CTNNA3: variants seen among roughly 807,000 people sequenced by gnomAD.
CTNNA3 encodes catenin alpha-3.
Under a neutral mutation model 95.7 loss-of-function variants are expected in CTNNA3, and 76 were observed. That is an observed-to-expected ratio of 0.79 (90% CI 0.66 to 0.96). The LOEUF is 0.96. Ranked by LOEUF, CTNNA3 falls within the 40% of genes least tolerant of loss-of-function variation. The pLI is 0.00. For missense variants in CTNNA3, 1,191 were observed against 1,089.8 expected (o/e 1.09, Z -1.31); for synonymous variants, 431 against 374.4 (o/e 1.15, Z -1.74).
At chr10:65,993,977 G>T (rs557533427) in intron 15 of CTNNA3, among the ~76,000 whole-genome samples, 36 of 152,066 alleles carry the variant, frequency 2.4e-4, no homozygotes, top group Non-Finnish European at 4.6e-4. Flanking sequence ...CTCGCGATCT[G>T]CCCACCTCAG....
intron 13 of CTNNA3, among the ~76,000 whole-genome samples, chr10:66,144,404 T>C (rs1045964034): frequency 1.3e-5 from 2 of 152,148 alleles, no homozygotes; most frequent in African/African-American, 4.8e-5. Context: ...TCTGAAAATG[T>C]TAGGAATTTA....
chr10:66,520,554 G>T lies in CTNNA3; in HGVS notation c.1531+63C>A, dbSNP rs542206373. 1.8e-5 allele frequency: 26 copies of T among 1,466,766 alleles called. No homozygotes were observed. In the East Asian group the frequency reaches 6.1e-4, roughly 34 times the overall value. The allele number at this position is 1,466,766 out of a possible 1,614,324, so 90.9% of individuals were successfully genotyped here. ...GGCATGAGCCACCATGCCTGTCCCA[G>T]TATTATTCTATTTTATAAAATTGAC... On this transcript the variant is annotated intron_variant, in intron 11 of 17. Coordinates refer to ENST00000433211, the MANE Select transcript of CTNNA3 (RefSeq NM_013266.4).
chr10:66,456,285 T>G (rs575249813), intron 11 of CTNNA3, among the ~76,000 whole-genome samples: 3 of 152,238 alleles, frequency 2.0e-5, no homozygotes, highest in South Asian at 4.1e-4. Flanking sequence ...AATTTAAAAT[T>G]TACTGTAAAG....
At chr10:66,868,974 C>A (rs112343686) in intron 7 of CTNNA3, among the ~76,000 whole-genome samples, 8 of 151,978 alleles carry the variant, frequency 5.3e-5, no homozygotes, top group African/African-American at 1.4e-4. Flanking sequence ...AAATAAGAGA[C>A]AAAATGTAAA....
At chr10:66,143,870 C>A (rs1046691982) in intron 13 of CTNNA3, among the ~76,000 whole-genome samples, 1 of 152,116 alleles carries the variant, frequency 6.6e-6, no homozygotes, top group African/African-American at 2.4e-5. Context: ...AAACTTTAAA[C>A]CATATGACAT....
chr10:66,428,344 T>C lies in CTNNA3; in HGVS notation c.1532-48992A>G, dbSNP rs1404051100. On this transcript the variant is annotated intron_variant, in intron 11 of 17. Coordinates refer to ENST00000433211, the MANE Select transcript of CTNNA3 (RefSeq NM_013266.4). The stretch of plus-strand genomic sequence containing the variant: ...CCATTGTCAACATTAGACAGATCAA[T>C]GAGACAGAAAGTTAACAAGGATATC... 5.3e-5 allele frequency among the ~76,000 whole-genome samples: 8 copies of C among 152,110 alleles called. No individual in the cohort carries two copies. The South Asian group carries it at 6.2e-4, about 12-fold the overall frequency.
At chr10:67,756,312 G>C (rs917278670) in intron 1 of CTNNA3, among the ~76,000 whole-genome samples, 1 of 151,804 alleles carries the variant, frequency 6.6e-6, no homozygotes, top group African/African-American at 2.4e-5. Context: ...TTTCAAAAAA[G>C]CTAGAAGAGA....
chr10:66,479,736 C>A (rs555425900), intron 11 of CTNNA3, among the ~76,000 whole-genome samples: 20 of 151,238 alleles, frequency 1.3e-4, no homozygotes, highest in African/African-American at 4.9e-4. Flanking sequence ...GAAAGGCATG[C>A]TTATTATGAC....
intron 5 of CTNNA3, among the ~76,000 whole-genome samples, chr10:67,408,078 A>G (rs1348999818): frequency 1.3e-5 from 2 of 152,216 alleles, no homozygotes; most frequent in Non-Finnish European, 2.9e-5. Context: ...CCACTGTTCA[A>G]AGAAATCAGA....
chr10:67,622,941 G>T (rs1843895885), intron 2 of CTNNA3, among the ~76,000 whole-genome samples: 1 of 152,046 alleles, frequency 6.6e-6, no homozygotes, highest in Non-Finnish European at 1.5e-5. Flanking sequence ...GTATTTAAAA[G>T]ACACTTAATT....
intron 8 of CTNNA3, among the ~76,000 whole-genome samples, chr10:66,770,023 C>T (rs1840025673): frequency 6.6e-6 from 1 of 152,152 alleles, no homozygotes; most frequent in Admixed American, 6.5e-5. Context: ...AAGTAAGAGA[C>T]TCCAATGTCT....
At chr10:66,890,864 C>T (rs757116969) in intron 7 of CTNNA3, among the ~76,000 whole-genome samples, 13 of 152,034 alleles carry the variant, frequency 8.6e-5, no homozygotes, top group Non-Finnish European at 1.8e-4. Context: ...AAGTAAAGCC[C>T]TTTGAAGGAG....
At chr10:66,360,281 G>T (rs1484978172) in intron 12 of CTNNA3, among the ~76,000 whole-genome samples, 2 of 148,782 alleles carry the variant, frequency 1.3e-5, no homozygotes, top group South Asian at 2.2e-4. Context: ...TGAAAATAAG[G>T]GTTTCCACGT....
intron 10 of CTNNA3, among the ~76,000 whole-genome samples, chr10:66,529,277 T>C (rs1841375198): frequency 6.6e-6 from 1 of 152,010 alleles, no homozygotes; most frequent in Non-Finnish European, 1.5e-5. Context: ...TACAGATGTG[T>C]GCCACAGTGC....
At chr10:66,654,459 T>C (rs1053706736) in intron 9 of CTNNA3, among the ~76,000 whole-genome samples, 2 of 152,026 alleles carry the variant, frequency 1.3e-5, no homozygotes, top group African/African-American at 4.8e-5. Flanking sequence ...AAGATAAGTA[T>C]TGGAGAGGAT....
At chr10:67,665,806 A>G (rs986374005) in intron 1 of CTNNA3, among the ~76,000 whole-genome samples, 2 of 152,182 alleles carry the variant, frequency 1.3e-5, no homozygotes, top group African/African-American at 4.8e-5. Flanking sequence ...CTGAAATTCT[A>G]TTTTTCAGAT....
At chr10:67,214,078 G>T (rs1864250696) in intron 6 of CTNNA3, among the ~76,000 whole-genome samples, 2 of 151,708 alleles carry the variant, frequency 1.3e-5, no homozygotes, top group Non-Finnish European at 3.0e-5. Context: ...ATTCTAAGCT[G>T]TCAGTCTTTT....
intron 7 of CTNNA3, among the ~76,000 whole-genome samples, chr10:67,064,352 C>CA (rs1362404378): frequency 1.3e-5 from 2 of 151,984 alleles, no homozygotes; most frequent in Non-Finnish European, 2.9e-5. Flanking sequence ...TGAAGCTCCA[C>CA]AAAAAATATG....
chr10:67,175,041 A>T (rs1263278109), intron 7 of CTNNA3, among the ~76,000 whole-genome samples: 1 of 147,810 alleles, frequency 6.8e-6, no homozygotes, highest in Non-Finnish European at 1.5e-5. Flanking sequence ...ACTTGAGGTG[A>T]TAATGACAAT....
Sources: gnomAD v4.1 joint callset for allele counts (sites outside exome capture counted in the v4.1 genomes callset) on GRCh38, gnomAD v4.1.1 for gene constraint, MANE v1.5 for transcripts, NCBI Gene and HGNC (gene_info 2026-07-23, HGNC 2026-07-21) for gene names.